The following ZRANB3 variants were observed in gnomAD, a reference collection of about 807,000 sequenced individuals.
ZRANB3 encodes zinc finger RANBP2-type containing 3.
A neutral mutation model predicts 133.8 loss-of-function variants in ZRANB3; 125 were observed. The observed-to-expected ratio is 0.93, with a 90% CI of 0.81 to 1.08. The LOEUF is 1.08. Among genes scored for constraint, ZRANB3 ranks in the 50% least tolerant of loss-of-function variants. The pLI, the probability that ZRANB3 is intolerant of heterozygous loss-of-function variation, is 0.00. For missense variants in ZRANB3, 1,229 were observed against 1,275.5 expected (o/e 0.96, Z 0.56); for synonymous variants, 387 against 432.7 (o/e 0.89, Z 1.31).
chr2:135,295,774 T>C (rs1020698590), intron 8 of ZRANB3, among the ~76,000 whole-genome samples: 2 of 152,164 alleles, frequency 1.3e-5, no homozygotes, highest in African/African-American at 4.8e-5. Context: ...GCAGGTCTGG[T>C]GGTGACAAAA....
In ZRANB3 at chr2:135,439,605, C is replaced by T. The variant is rs907063152; in HGVS notation, c.162-48785G>A. ...GAATGACTCTACCACTCATCACATT[C>T]GTGATTTTAGAAAATATATTTAAGA... On this transcript the variant is annotated intron_variant, in intron 2 of 20. Transcript: ENST00000264159. Among the ~76,000 whole-genome samples the T allele has an allele frequency of 3.3e-5, 5 of 152,222 alleles. No individual in the cohort carries two copies. The East Asian group carries it at 5.8e-4, about 18-fold the overall frequency.
intron 2 of ZRANB3, among the ~76,000 whole-genome samples, chr2:135,411,697 C>T (rs1028304159): frequency 7.9e-5 from 12 of 152,136 alleles, no homozygotes; most frequent in African/African-American, 2.9e-4. Flanking sequence ...ACCTCATGTT[C>T]TCACTTATAA....
chr2:135,232,539 G>A (rs1321710881), intron 12 of ZRANB3, among the ~76,000 whole-genome samples: 1 of 152,206 alleles, frequency 6.6e-6, no homozygotes, highest in Non-Finnish European at 1.5e-5. Context: ...CTGGGAGGCA[G>A]CCCCCAGTAG....
intron 12 of ZRANB3, among the ~76,000 whole-genome samples, chr2:135,246,039 C>CTT (rs569950745): frequency 0.012 from 1,209 of 100,416 alleles, 47 homozygotes; most frequent in African/African-American, 0.045. Context: ...TTCTTTCTTT[C>CTT]TTTTTTTTTT....
At chr2:135,371,389 T>C (rs1170232421) in intron 3 of ZRANB3, among the ~76,000 whole-genome samples, 1 of 152,236 alleles carries the variant, frequency 6.6e-6, no homozygotes, top group African/African-American at 2.4e-5. Flanking sequence ...TTTCAAATGC[T>C]GATGTGAACT....
chr2:135,275,841 C>T, intron 8 of ZRANB3, 86 bp from the exon 9 acceptor site: 1 of 1,123,774 alleles, frequency 8.9e-7, no homozygotes, highest in Non-Finnish European at 1.2e-6. Context: ...AGAAAAATGG[C>T]TTGAAAATCA....
At chr2:135,214,624 A>G (rs1320210050) in intron 17 of ZRANB3, among the ~76,000 whole-genome samples, 1 of 152,174 alleles carries the variant, frequency 6.6e-6, no homozygotes, top group East Asian at 1.9e-4. Flanking sequence ...AATGAGAAAG[A>G]TTGAGAGGAC....
chr2:135,243,458 G>A (rs1462103141), intron 12 of ZRANB3, among the ~76,000 whole-genome samples: 4 of 152,156 alleles, frequency 2.6e-5, no homozygotes, highest in South Asian at 2.1e-4. Context: ...AGCCAAGATC[G>A]TGCCACTGCA....
chr2:135,288,269 C>T (rs1007266269), intron 8 of ZRANB3, among the ~76,000 whole-genome samples: 1 of 152,110 alleles, frequency 6.6e-6, no homozygotes, highest in Non-Finnish European at 1.5e-5. Flanking sequence ...ATCCCAGCAT[C>T]CCTAATATGA....
intron 2 of ZRANB3, among the ~76,000 whole-genome samples, chr2:135,417,135 T>C (rs576074995): frequency 7.7e-4 from 117 of 152,052 alleles, no homozygotes; most frequent in Admixed American, 1.2e-3. Context: ...TAAAGAGCTT[T>C]TGCACAGCAA....
rs1410621795 is a variant in ZRANB3, at chr2:135,200,277, A to G, written c.*65T>C. 93 of 1,347,906 alleles carry G rather than the reference A, an allele frequency of 6.9e-5. 1 individual carries two copies. The East Asian group carries it at 2.3e-3, about 33-fold the overall frequency. 83.5% of individuals were successfully genotyped at this position (1,347,906 alleles called of 1,614,324 possible). ...CTCTCGATATATTAAACAAACATGG[A>G]AAACTTCTGTATTAAAGTCTTCCAC... On this transcript the variant is annotated 3_prime_UTR_variant, in exon 21 of 21. Transcript: ENST00000264159.
At chr2:135,507,492 A>C (rs1272200493) in intron 1 of ZRANB3, among the ~76,000 whole-genome samples, 1 of 152,234 alleles carries the variant, frequency 6.6e-6, no homozygotes, top group African/African-American at 2.4e-5. Flanking sequence ...CAAGGCTAAC[A>C]GCAGCAGAAA....
At chr2:135,396,777 A>T (rs1687510128) in intron 2 of ZRANB3, among the ~76,000 whole-genome samples, 1 of 152,116 alleles carries the variant, frequency 6.6e-6, no homozygotes, top group South Asian at 2.1e-4. Flanking sequence ...AGTCAATAAT[A>T]ATTAAATTGT....
At chr2:135,321,404 G>C (rs886929119) in intron 6 of ZRANB3, among the ~76,000 whole-genome samples, 1 of 151,784 alleles carries the variant, frequency 6.6e-6, no homozygotes, top group African/African-American at 2.4e-5. Context: ...TATCGCCTTA[G>C]GTCAAGCGCC....
rs530965445 is a variant in ZRANB3 at position 135,342,137 on chromosome 2, T to A, written c.677+3413A>T. ...GGGGGCATCACAGAACCTGCCAACATGTGATGTCTCCCCCGGACACCCAGC... is the reference window on the plus strand; with the variant it reads ...GGGGGCATCACAGAACCTGCCAACAAGTGATGTCTCCCCCGGACACCCAGC... On this transcript the variant is annotated intron_variant, in intron 6 of 20. Coordinates refer to ENST00000264159, the MANE Select transcript of ZRANB3 (RefSeq NM_032143.4). 1.2e-4 allele frequency among the ~76,000 whole-genome samples: 18 copies of A among 150,006 alleles called. No individual in the cohort carries two copies. The South Asian group carries it at 3.7e-3, about 31-fold the overall frequency.
chr2:135,295,841 C>T (rs1242157782), intron 8 of ZRANB3, among the ~76,000 whole-genome samples: 14 of 152,118 alleles, frequency 9.2e-5, no homozygotes, highest in East Asian at 5.8e-4. Flanking sequence ...TTATGAAGCT[C>T]AGTTTGGCTG....
At chr2:135,488,896 T>C (rs1218102435) in intron 2 of ZRANB3, among the ~76,000 whole-genome samples, 1 of 150,280 alleles carries the variant, frequency 6.7e-6, no homozygotes, top group Non-Finnish European at 1.5e-5. Context: ...CTATATCTGA[T>C]TATACTATAT....
intron 1 of ZRANB3, chr2:135,511,637 G>A (rs1317746224): frequency 2.6e-6 from 2 of 779,872 alleles, no homozygotes; most frequent in Non-Finnish European, 4.7e-6. Flanking sequence ...CTCAAAGCCT[G>A]GTTGTTGTTA....
intron 15 of ZRANB3, among the ~76,000 whole-genome samples, chr2:135,220,519 G>A (rs1694495905): frequency 6.6e-6 from 1 of 151,642 alleles, no homozygotes; most frequent in South Asian, 2.1e-4. Flanking sequence ...CCAACATGGT[G>A]AAACCCCGTC....
Sources: gnomAD v4.1 joint callset for allele counts (sites outside exome capture counted in the v4.1 genomes callset) on GRCh38, gnomAD v4.1.1 for gene constraint, MANE v1.5 for transcripts, NCBI Gene and HGNC (gene_info 2026-07-23, HGNC 2026-07-21) for gene names.